The following SCFD1 variants were observed in gnomAD, a reference collection of about 807,000 sequenced individuals.
The protein encoded by SCFD1 is sec1 family domain-containing protein 1.
In SCFD1, 37 loss-of-function variants were observed where a neutral mutation model predicts 103.2. The observed-to-expected ratio is 0.36, with a 90% CI of 0.28 to 0.47. SCFD1 has a LOEUF of 0.47. SCFD1 is among the 20% of genes least tolerant of loss of function. SCFD1 has a pLI of 1.00. For missense variants in SCFD1, 639 were observed against 761.2 expected, an observed-to-expected ratio of 0.84 and a Z score of 1.89; for synonymous variants, 264 against 245.0, an observed-to-expected ratio of 1.08 and a Z score of -0.73.
intron 17 of SCFD1, among the ~76,000 whole-genome samples, chr14:30,702,656 T>C (rs1169152105): frequency 1.3e-5 from 2 of 152,108 alleles, no homozygotes; most frequent in Admixed American, 1.3e-4. Context: ...CTCCAAGGCA[T>C]TAAGAGGAAA....
At chr14:30,706,930 C>T (rs1891507979) in intron 18 of SCFD1, among the ~76,000 whole-genome samples, 1 of 152,170 alleles carries the variant, frequency 6.6e-6, no homozygotes, top group Admixed American at 6.5e-5. Flanking sequence ...TTAGCACACC[C>T]CCACAGAGTT....
chr14:30,683,446 G>T, intron 14 of SCFD1: 1 of 493,014 alleles, frequency 2.0e-6, no homozygotes, highest in Middle Eastern at 6.9e-4. Flanking sequence ...TCTGATTCAG[G>T]GAAGGCAGAA....
chr14:30,707,587 C>A (rs954025758), intron 18 of SCFD1, among the ~76,000 whole-genome samples: 2 of 151,850 alleles, frequency 1.3e-5, no homozygotes, highest in African/African-American at 4.8e-5. Context: ...GGTTTGAACT[C>A]CTAAAGCAAA....
intron 7 of SCFD1, among the ~76,000 whole-genome samples, chr14:30,648,226 C>T (rs1886044235): frequency 6.6e-6 from 1 of 151,976 alleles, no homozygotes; most frequent in African/African-American, 2.4e-5. Flanking sequence ...TTATTACAAA[C>T]ATTTATAACT....
chr14:30,636,602 C>A (rs912910148), intron 4 of SCFD1, among the ~76,000 whole-genome samples: 2 of 152,010 alleles, frequency 1.3e-5, no homozygotes, highest in African/African-American at 4.8e-5. Flanking sequence ...TTTCCTTATG[C>A]CTGTACCACA....
intron 17 of SCFD1, among the ~76,000 whole-genome samples, 189 bp downstream of exon 17, chr14:30,702,564 C>G (rs989508725): frequency 4.6e-5 from 7 of 152,042 alleles, no homozygotes; most frequent in African/African-American, 9.7e-5. Flanking sequence ...AACAGTGATG[C>G]CTTTCTTTCC....
At chr14:30,719,267 A>G in intron 20 of SCFD1, 58 bp from the exon 21 acceptor site, 1 of 1,111,004 alleles carries the variant, frequency 9.0e-7, no homozygotes, top group Middle Eastern at 2.0e-4. Context: ...CTCTAAGCCA[A>G]ACTGACCTTC....
Position 30,731,633 on chromosome 14 carries a change from T to C in SCFD1, c.1837-3157T>C, listed in dbSNP as rs557941313. ...GAAGCAATTGTGAATGGGAGTTCAC[T>C]CATGATTTGGCTCTCTGTTTGTCTA... On this transcript the variant is annotated intron_variant, in intron 23 of 24. Coordinates refer to ENST00000458591, the MANE Select transcript of SCFD1 (RefSeq NM_016106.4). Among the ~76,000 whole-genome samples, 335 of 152,318 alleles carry C rather than the reference T, an allele frequency of 2.2e-3. 2 individuals carry two copies. The highest frequency in any genetic ancestry group is 3.9e-3 in the Non-Finnish European group (265 of 68,022).
At chr14:30,728,552 G>A (rs1452875821) in intron 23 of SCFD1, among the ~76,000 whole-genome samples, 1 of 152,156 alleles carries the variant, frequency 6.6e-6, no homozygotes, top group Non-Finnish European at 1.5e-5. Flanking sequence ...CCATAATTCT[G>A]TGTGAATGTA....
At position 30,729,968 on chromosome 14, in the gene SCFD1, C is replaced by T. The variant is rs1013984585; in HGVS notation, c.1837-4822C>T. Among the ~76,000 whole-genome samples the T allele has an allele frequency of 5.3e-5, 8 of 151,934 alleles. No homozygotes were observed. In the South Asian group the frequency reaches 6.2e-4, roughly 12 times the overall value. ...TGGTGTGCTGCGCCCATTAACTCAT[C>T]GTTTACGTTAGGTATATCTCCTAAT... is the stretch of plus-strand genomic sequence containing the variant. On this transcript the variant is annotated intron_variant, in intron 23 of 24. Transcript: ENST00000458591.
chr14:30,657,906 C>T (rs1459713649), intron 10 of SCFD1, among the ~76,000 whole-genome samples: 1 of 152,034 alleles, frequency 6.6e-6, no homozygotes, highest in African/African-American at 2.4e-5. Flanking sequence ...AAAATTCACA[C>T]AGCTTCCCTC....
intron 19 of SCFD1, among the ~76,000 whole-genome samples, chr14:30,712,045 CTG>C (rs1187683586): frequency 6.6e-6 from 1 of 152,042 alleles, no homozygotes; most frequent in Non-Finnish European, 1.5e-5. Flanking sequence ...TAGATACACT[CTG>C]TAGATCACAG....
intron 23 of SCFD1, among the ~76,000 whole-genome samples, chr14:30,732,027 C>T (rs1893511680): frequency 2.0e-5 from 3 of 152,128 alleles, no homozygotes; most frequent in Admixed American, 6.5e-5. Flanking sequence ...AGATACGTCC[C>T]ATCAATACCT....
At chr14:30,669,540 G>T (rs2139198755) in intron 10 of SCFD1, among the ~76,000 whole-genome samples, 1 of 150,904 alleles carries the variant, frequency 6.6e-6, no homozygotes, top group Non-Finnish European at 1.5e-5. Context: ...TTTGGGTTTT[G>T]GGGGGTTTTT....
chr14:30,645,111 T>C (rs1885681725), intron 7 of SCFD1, among the ~76,000 whole-genome samples: 2 of 152,230 alleles, frequency 1.3e-5, no homozygotes, highest in Admixed American at 1.3e-4. Flanking sequence ...TTGCTTGTTA[T>C]TATCAACATT....
At chr14:30,643,467 G>A in intron 7 of SCFD1, 62 bp downstream of exon 7, 1 of 1,101,244 alleles carries the variant, frequency 9.1e-7, no homozygotes, top group Non-Finnish European at 1.4e-6. Context: ...TAATTTTAAT[G>A]TATTACACTG....
chr14:30,724,245 G>GGTT (rs1892867949), intron 23 of SCFD1, among the ~76,000 whole-genome samples: 2 of 69,682 alleles, frequency 2.9e-5, no homozygotes. Context: ...TTTTTTATGG[G>GGTT]TTTTTTTTTT....
intron 19 of SCFD1, among the ~76,000 whole-genome samples, chr14:30,708,942 T>C (rs1566650771): frequency 6.6e-6 from 1 of 152,212 alleles, no homozygotes; most frequent in Non-Finnish European, 1.5e-5. Flanking sequence ...AAGATTTGTT[T>C]TTTACTTTTA....
At chr14:30,641,310 C>G (rs1040150973) in intron 6 of SCFD1, among the ~76,000 whole-genome samples, 1 of 152,124 alleles carries the variant, frequency 6.6e-6, no homozygotes, top group African/African-American at 2.4e-5. Flanking sequence ...GATTTATTAT[C>G]TCAGTCAAAC....
Sources: allele counts gnomAD v4.1 joint callset (sites outside exome capture counted in the v4.1 genomes callset), GRCh38; gene constraint gnomAD v4.1.1; transcripts MANE v1.5; gene names NCBI Gene and HGNC (gene_info 2026-07-23, HGNC 2026-07-21).